The following CADPS variants were observed in gnomAD, a reference collection of about 807,000 sequenced individuals.
The protein encoded by CADPS is calcium dependent secretion activator.
A neutral mutation model predicts 167.3 loss-of-function variants in CADPS; 57 were observed. The ratio of observed to expected loss-of-function variants is 0.34; its 90% CI spans 0.28 to 0.42. The LOEUF (loss-of-function observed/expected upper bound fraction) is 0.42, where lower values mean the gene tolerates loss of function less well. CADPS is among the 20% of genes least tolerant of loss of function. The pLI is 1.00. For synonymous variants in CADPS, 676 were observed against 635.3 expected, an observed-to-expected ratio of 1.06 and a Z score of -0.96; for missense variants, 1,414 against 1,738.1, an observed-to-expected ratio of 0.81 and a Z score of 3.32.
chr3:62,643,335 C>T (rs967596398), intron 6 of CADPS, among the ~76,000 whole-genome samples: 5 of 152,212 alleles, frequency 3.3e-5, no homozygotes, highest in Non-Finnish European at 5.9e-5. Flanking sequence ...CTACCACTGA[C>T]TGATTTCACT....
chr3:62,560,801 C>T (rs1206409633), intron 9 of CADPS, among the ~76,000 whole-genome samples: 1 of 152,096 alleles, frequency 6.6e-6, no homozygotes, highest in Non-Finnish European at 1.5e-5. Flanking sequence ...GGATGGTGGG[C>T]TGGGCGCAGT....
At chr3:62,865,932 T>C (rs1022564186) in intron 1 of CADPS, among the ~76,000 whole-genome samples, 2 of 152,146 alleles carry the variant, frequency 1.3e-5, no homozygotes, top group African/African-American at 4.8e-5. Context: ...ACAGGTTCTG[T>C]GATACAACTT....
intron 9 of CADPS, among the ~76,000 whole-genome samples, chr3:62,569,466 G>A (rs1424273390): frequency 1.3e-5 from 2 of 152,164 alleles, no homozygotes; most frequent in Non-Finnish European, 2.9e-5. Context: ...ATCACTTTAA[G>A]GTTTTGTTCT....
In CADPS at chr3:62,592,648, C is replaced by A. The variant is rs2148817011; in HGVS notation, c.1426G>T (p.Glu476Ter). The A allele has an allele frequency of 6.2e-7, 1 of 1,613,556 alleles. No homozygotes were observed. The highest frequency in any genetic ancestry group is 8.5e-7 in the Non-Finnish European group (1 of 1,179,490). Residue 476 changes from glutamate (E) to a stop codon, truncating the protein, a stop_gained, in exon 7 of 30, where the codon GAG becomes TAG. Transcript: ENST00000383710. LOFTEE classifies it high-confidence loss of function. ...STGVLALEDK[E>*]LGRVILHPTP... The stretch of plus-strand genomic sequence containing the variant: ...TAAGAAGTGCTTACCCGCCCAAGCT[C>A]CTTGTCCTCCAACGCCAGGACGCCT...
chr3:62,829,587 C>T (rs2074695181), intron 1 of CADPS, among the ~76,000 whole-genome samples: 1 of 152,086 alleles, frequency 6.6e-6, no homozygotes, highest in Non-Finnish European at 1.5e-5. Context: ...ATTCATGGTT[C>T]CTACCATTTA....
At chr3:62,673,692 C>T (rs1006625297) in intron 3 of CADPS, among the ~76,000 whole-genome samples, 2 of 152,150 alleles carry the variant, frequency 1.3e-5, no homozygotes, top group South Asian at 2.1e-4. Context: ...CATTGCCATT[C>T]GTTTTTCAAT....
Position 62,779,971 on chromosome 3 carries a change from G to A in CADPS, c.442-13987C>T, listed in dbSNP as rs2091236852. ...TTGATGCAGTTTCTCATCATTGAGA[G>A]TATTTGCTTGTTTAGAAGGGATTCA... On this transcript the variant is annotated intron_variant, in intron 1 of 29. Coordinates refer to ENST00000383710, the MANE Select transcript of CADPS (RefSeq NM_003716.4). 2.6e-5 allele frequency among the ~76,000 whole-genome samples: 4 copies of A among 152,204 alleles called. No individual in the cohort carries two copies. In the South Asian group the frequency reaches 8.3e-4, roughly 32 times the overall value.
At chr3:62,868,392 T>C (rs535582510) in intron 1 of CADPS, among the ~76,000 whole-genome samples, 40 of 152,234 alleles carry the variant, frequency 2.6e-4, no homozygotes, top group African/African-American at 9.6e-4. Flanking sequence ...TGATTAACAT[T>C]CTATTATTTA....
At chr3:62,555,693 C>A (rs2152317095) in intron 10 of CADPS, among the ~76,000 whole-genome samples, 1 of 152,314 alleles carries the variant, frequency 6.6e-6, no homozygotes, top group East Asian at 1.9e-4. Flanking sequence ...TTTCCCTTCT[C>A]ATATTGGCCC....
chr3:62,710,826 C>G (rs998139721), intron 3 of CADPS, among the ~76,000 whole-genome samples: 1 of 152,044 alleles, frequency 6.6e-6, no homozygotes, highest in African/African-American at 2.4e-5. Context: ...ATTATCAGAG[C>G]AAAGAGGAAA....
rs114981608 is a variant in CADPS, at chr3:62,732,279, C to T, written c.888+21162G>A. ...GTTAGAAAAGCCTGTGACTGCTGTA[C>T]TGCAAACAGACTCTCTCTTGCTGGT... On this transcript the variant is annotated intron_variant, in intron 3 of 29. Transcript: ENST00000383710. Among the ~76,000 whole-genome samples, 1,374 of 152,314 alleles carry T rather than the reference C, an allele frequency of 9.0e-3. 19 individuals are homozygous for T. Among genetic ancestry groups the T allele is most frequent in the African/African-American group, 0.031 (1,290 of 41,552 alleles).
intron 6 of CADPS, among the ~76,000 whole-genome samples, chr3:62,618,012 G>A (rs760796893): frequency 2.0e-5 from 3 of 152,220 alleles, no homozygotes; most frequent in South Asian, 4.1e-4. Context: ...TTGACAGGTG[G>A]TCGTTCTTGA....
intron 28 of CADPS, among the ~76,000 whole-genome samples, chr3:62,408,590 A>G (rs1408996570): frequency 2.0e-5 from 3 of 152,208 alleles, no homozygotes; most frequent in Non-Finnish European, 4.4e-5. Flanking sequence ...CTAATCAGCT[A>G]TATAGAGTGT....
chr3:62,750,985 C>T lies in CADPS; in HGVS notation c.888+2456G>A, dbSNP rs532434962. On this transcript the variant is annotated intron_variant, in intron 3 of 29. Transcript: ENST00000383710. Reference sequence around the variant, plus strand: ...TCTTTGGACTTAACACTCTTGCACACACTTCTGCGTATCTACTTGTAATGA... The same window carrying T: ...TCTTTGGACTTAACACTCTTGCACATACTTCTGCGTATCTACTTGTAATGA... 3.9e-4 allele frequency among the ~76,000 whole-genome samples: 59 copies of T among 152,292 alleles called. 1 individual carries two copies. The highest frequency in any genetic ancestry group is 7.5e-4 in the Non-Finnish European group (51 of 68,026).
chr3:62,738,667 A>C (rs2079527550), intron 3 of CADPS, among the ~76,000 whole-genome samples: 1 of 152,196 alleles, frequency 6.6e-6, no homozygotes. Flanking sequence ...CGGAGGTTGC[A>C]GTGAGCCAAG....
intron 3 of CADPS, among the ~76,000 whole-genome samples, chr3:62,730,129 G>A (rs958506373): frequency 6.6e-6 from 1 of 152,058 alleles, no homozygotes; most frequent in Non-Finnish European, 1.5e-5. Context: ...GTCACTTCAT[G>A]ACGGTCTTCT....
intron 18 of CADPS, among the ~76,000 whole-genome samples, chr3:62,497,035 A>C (rs540651864): frequency 5.3e-5 from 8 of 152,304 alleles, no homozygotes; most frequent in African/African-American, 1.9e-4. Flanking sequence ...TACTCTATTT[A>C]ATTTGAATGG....
chr3:62,817,113 T>A (rs1284649323), intron 1 of CADPS, among the ~76,000 whole-genome samples: 1 of 152,160 alleles, frequency 6.6e-6, no homozygotes, highest in Non-Finnish European at 1.5e-5. Context: ...ATCACTAGGA[T>A]TTAAAATATC....
intron 28 of CADPS, among the ~76,000 whole-genome samples, chr3:62,431,535 T>C (rs1226554848): frequency 6.6e-6 from 1 of 151,954 alleles, no homozygotes; most frequent in African/African-American, 2.4e-5. Flanking sequence ...CAGCTTGATT[T>C]TTTTTTTTTT....
Sources: allele counts gnomAD v4.1 joint callset (sites outside exome capture counted in the v4.1 genomes callset), GRCh38; gene constraint gnomAD v4.1.1; transcripts MANE v1.5; gene names NCBI Gene and HGNC (gene_info 2026-07-23, HGNC 2026-07-21).